Variants in CFAP299 observed in about 807,000 individuals in gnomAD.
The protein encoded by CFAP299 is cilia and flagella associated protein 299.
Under a neutral mutation model 27.0 loss-of-function variants are expected in CFAP299, and 21 were observed. The ratio of observed to expected loss-of-function variants is 0.78; its 90% CI spans 0.55 to 1.12. The LOEUF (loss-of-function observed/expected upper bound fraction) is 1.12, where lower values mean the gene tolerates loss of function less well. CFAP299 is among the 50% of genes most tolerant of loss of function. The pLI is 0.00. For missense variants in CFAP299, 310 were observed against 276.6 expected, an observed-to-expected ratio of 1.12 and a Z score of -0.86; for synonymous variants, 104 against 98.1, an observed-to-expected ratio of 1.06 and a Z score of -0.36.
intron 4 of CFAP299, among the ~76,000 whole-genome samples, chr4:80,882,912 G>A (rs192146880): frequency 1.3e-5 from 2 of 152,174 alleles, no homozygotes; most frequent in East Asian, 3.9e-4. Context: ...ATGCTAAAGG[G>A]AATTCTTCAA....
At chr4:80,456,613 C>T (rs1729173532) in intron 2 of CFAP299, among the ~76,000 whole-genome samples, 1 of 151,970 alleles carries the variant, frequency 6.6e-6, no homozygotes, top group Non-Finnish European at 1.5e-5. Flanking sequence ...TGAAATAGAC[C>T]ATAAGAGAAG....
chr4:80,933,453 G>T (rs533764977), intron 4 of CFAP299, among the ~76,000 whole-genome samples: 2 of 152,014 alleles, frequency 1.3e-5, no homozygotes, highest in Non-Finnish European at 2.9e-5. Context: ...GTCCGTGCAC[G>T]GTGTCACAAA....
intron 4 of CFAP299, among the ~76,000 whole-genome samples, chr4:80,942,189 G>T (rs1186484353): frequency 6.6e-6 from 1 of 152,138 alleles, no homozygotes; most frequent in Non-Finnish European, 1.5e-5. Flanking sequence ...GGTCTACCAA[G>T]AAAAATTTGA....
chr4:80,742,079 G>C (rs1306743278), intron 3 of CFAP299, among the ~76,000 whole-genome samples: 1 of 151,968 alleles, frequency 6.6e-6, no homozygotes, highest in Non-Finnish European at 1.5e-5. Context: ...ATGGGGGAAG[G>C]GTCACTTCAA....
intron 1 of CFAP299, among the ~76,000 whole-genome samples, chr4:80,341,533 T>G: frequency 6.6e-6 from 1 of 151,952 alleles, no homozygotes; most frequent in East Asian, 1.9e-4. Flanking sequence ...TACCTTCAGG[T>G]AAGGGAAAAA....
At chr4:80,846,229 G>T (rs908099237) in intron 3 of CFAP299, among the ~76,000 whole-genome samples, 1 of 152,128 alleles carries the variant, frequency 6.6e-6, no homozygotes, top group Non-Finnish European at 1.5e-5. Context: ...GGAGGAATTG[G>T]TCCACAAAAT....
intron 2 of CFAP299, among the ~76,000 whole-genome samples, chr4:80,429,651 T>A (rs1727710234): frequency 6.6e-6 from 1 of 152,154 alleles, no homozygotes; most frequent in South Asian, 2.1e-4. Flanking sequence ...AACATGAGCA[T>A]GCTATGAAAT....
At chr4:80,908,392 C>T (rs1215549610) in intron 4 of CFAP299, among the ~76,000 whole-genome samples, 1 of 152,146 alleles carries the variant, frequency 6.6e-6, no homozygotes. Flanking sequence ...ATATTTTCTT[C>T]TTACTTTGTT....
At chr4:80,839,941 A>G (rs1560438289) in intron 3 of CFAP299, among the ~76,000 whole-genome samples, 3 of 152,084 alleles carry the variant, frequency 2.0e-5, no homozygotes, top group Non-Finnish European at 2.9e-5. Flanking sequence ...ATATGTCTTA[A>G]TTTATTTTTG....
intron 3 of CFAP299, among the ~76,000 whole-genome samples, chr4:80,781,458 A>C (rs1726873204): frequency 6.6e-6 from 1 of 152,034 alleles, no homozygotes; most frequent in Non-Finnish European, 1.5e-5. Flanking sequence ...TATTTTTGTG[A>C]CTTTATCCTA....
At chr4:80,343,248 G>T (rs566978724) in intron 1 of CFAP299, among the ~76,000 whole-genome samples, 1 of 152,180 alleles carries the variant, frequency 6.6e-6, no homozygotes, top group South Asian at 2.1e-4. Flanking sequence ...CACCCTACTG[G>T]CAATATTAGA....
intron 1 of CFAP299, among the ~76,000 whole-genome samples, chr4:80,340,126 A>G (rs1722369822): frequency 6.6e-6 from 1 of 152,214 alleles, no homozygotes; most frequent in African/African-American, 2.4e-5. Context: ...CAACTGAAAT[A>G]TCCAAGTTTT....
chr4:80,795,760 A>G (rs1394104911), intron 3 of CFAP299, among the ~76,000 whole-genome samples: 1 of 152,184 alleles, frequency 6.6e-6, no homozygotes, highest in African/African-American at 2.4e-5. Flanking sequence ...TAGACAGTTC[A>G]GGTCGCATGG....
intron 4 of CFAP299, among the ~76,000 whole-genome samples, chr4:80,909,786 A>G (rs1735375403): frequency 6.6e-6 from 1 of 152,120 alleles, no homozygotes; most frequent in Non-Finnish European, 1.5e-5. Flanking sequence ...CAAATAGTTA[A>G]TGTAAAATAC....
At chr4:80,547,457 TG>T (rs1734290042) in intron 2 of CFAP299, among the ~76,000 whole-genome samples, 1 of 152,144 alleles carries the variant, frequency 6.6e-6, no homozygotes, top group African/African-American at 2.4e-5. Flanking sequence ...GATACCATTC[TG>T]GACATCAGCA....
intron 4 of CFAP299, among the ~76,000 whole-genome samples, chr4:80,920,770 G>A (rs936102329): frequency 2.0e-5 from 3 of 152,058 alleles, no homozygotes; most frequent in African/African-American, 7.2e-5. Flanking sequence ...GGTGCATGTG[G>A]AGTATTTAGA....
intron 3 of CFAP299, among the ~76,000 whole-genome samples, chr4:80,630,509 TAATA>T (rs779608866): frequency 2.0e-5 from 3 of 152,150 alleles, no homozygotes; most frequent in Non-Finnish European, 2.9e-5. Context: ...AGTGTTTTTT[TAATA>T]AATTATAAAA....
intron 4 of CFAP299, among the ~76,000 whole-genome samples, chr4:80,881,660 A>C (rs961853308): frequency 6.6e-6 from 1 of 152,238 alleles, no homozygotes; most frequent in African/African-American, 2.4e-5. Context: ...GCTTCTTTAA[A>C]TGTACAGACA....
rs545347666 is a variant in CFAP299 at position 80,882,425 on chromosome 4, T to C, written c.476+12290T>C. 4.6e-5 allele frequency among the ~76,000 whole-genome samples: 7 copies of C among 152,022 alleles called. No homozygotes were observed. In the South Asian group the frequency reaches 1.5e-3, roughly 32 times the overall value. ...AGGCCGAGGCGGGCGGATTACGAGGTCAGGAGATCGAGACCATCCTGGCTA... is the reference window on the plus strand; with the variant it reads ...AGGCCGAGGCGGGCGGATTACGAGGCCAGGAGATCGAGACCATCCTGGCTA... On this transcript the variant is annotated intron_variant, in intron 4 of 5. Coordinates refer to ENST00000358105, the MANE Select transcript of CFAP299 (RefSeq NM_152770.3).
Sources: gnomAD v4.1 joint callset for allele counts (sites outside exome capture counted in the v4.1 genomes callset) on GRCh38, gnomAD v4.1.1 for gene constraint, MANE v1.5 for transcripts, NCBI Gene and HGNC (gene_info 2026-07-23, HGNC 2026-07-21) for gene names.